The following AKAP10 variants were observed in gnomAD, a reference collection of about 807,000 sequenced individuals.
The protein encoded by AKAP10 is A-kinase anchor protein 10, mitochondrial.
Under a neutral mutation model 80.8 loss-of-function variants are expected in AKAP10, and 24 were observed. The observed-to-expected ratio is 0.30, with a 90% confidence interval of 0.22 to 0.42. The LOEUF (loss-of-function observed/expected upper bound fraction) is 0.42, where lower values mean the gene tolerates loss of function less well. AKAP10 is among the 10% of genes least tolerant of loss of function. The probability of loss-of-function intolerance (pLI) is 1.00; values close to 1 mark genes in which losing one functional copy is unlikely to be tolerated. For missense variants in AKAP10, 661 were observed against 794.9 expected, an observed-to-expected ratio of 0.83 and a Z score of 2.03; for synonymous variants, 291 against 277.7, an observed-to-expected ratio of 1.05 and a Z score of -0.48.
intron 9 of AKAP10, 31 bp from the exon 10 acceptor site, chr17:19,932,009 T>G (rs982108378): frequency 1.3e-6 from 2 of 1,580,914 alleles, no homozygotes; most frequent in Non-Finnish European, 1.7e-6. Flanking sequence ...TATTTTAAAG[T>G]TGAAATCAAA....
intron 12 of AKAP10, among the ~76,000 whole-genome samples, chr17:19,919,571 C>A (rs1051056662): frequency 6.6e-6 from 1 of 151,630 alleles, no homozygotes; most frequent in Non-Finnish European, 1.5e-5. Flanking sequence ...GTAGTCCCAG[C>A]TACTCAGGAG....
At chr17:19,939,942 C>A in intron 7 of AKAP10, 93 bp from the exon 8 acceptor site, 1 of 1,382,964 alleles carries the variant, frequency 7.2e-7, no homozygotes, top group South Asian at 1.5e-5. Flanking sequence ...AAATACAGGT[C>A]ATAAGCAAAA....
chr17:19,917,307 G>T (rs1252425917), intron 12 of AKAP10, among the ~76,000 whole-genome samples: 1 of 151,926 alleles, frequency 6.6e-6, no homozygotes, highest in Non-Finnish European at 1.5e-5. Flanking sequence ...AAACAGCTCA[G>T]AGATTTTCTA....
chr17:19,952,573 T>TA (rs952698414), intron 4 of AKAP10, among the ~76,000 whole-genome samples: 11 of 151,572 alleles, frequency 7.3e-5, no homozygotes, highest in African/African-American at 1.9e-4. Flanking sequence ...AGATCAAAAG[T>TA]AAAAAAATGG....
At chr17:19,946,282 T>TG (rs2043129416) in intron 5 of AKAP10, among the ~76,000 whole-genome samples, 1 of 45,116 alleles carries the variant, frequency 2.2e-5, no homozygotes, top group African/African-American at 7.0e-5. Flanking sequence ...TATATTTTTT[T>TG]TTTTTTTTTT....
At chr17:19,944,479 G>A (rs1015513032) in intron 5 of AKAP10, among the ~76,000 whole-genome samples, 1 of 151,802 alleles carries the variant, frequency 6.6e-6, no homozygotes, top group African/African-American at 2.4e-5. Flanking sequence ...GTGAAACCCC[G>A]TTTCTACTAA....
intron 5 of AKAP10, among the ~76,000 whole-genome samples, chr17:19,943,208 T>C (rs2043067762): frequency 1.3e-5 from 2 of 152,186 alleles, no homozygotes; most frequent in African/African-American, 4.8e-5. Context: ...TTTCTTAGCA[T>C]ACAGCGCCTA....
intron 1 of AKAP10, among the ~76,000 whole-genome samples, chr17:19,974,228 C>A (rs1421014911): frequency 6.6e-6 from 1 of 152,124 alleles, no homozygotes; most frequent in African/African-American, 2.4e-5. Flanking sequence ...AATACTACTT[C>A]TTGAGAAAAA....
At chr17:19,921,362 C>T (rs890853416) in intron 11 of AKAP10, among the ~76,000 whole-genome samples, 3 of 151,990 alleles carry the variant, frequency 2.0e-5, no homozygotes, top group Non-Finnish European at 2.9e-5. Context: ...GACAGGGTTT[C>T]ACCATATTGG....
chr17:19,909,201 G>T lies in AKAP10; in HGVS notation c.1963C>A (p.Pro655Thr), dbSNP rs754614701. Residue 655 changes from proline (P) to threonine (T), a missense_variant, in exon 14 of 15, where the codon CCG becomes ACG. By Grantham distance (38) the Pro-to-Thr change is conservative. Transcript: ENST00000225737. ...DIMQQAQYDQ[P>T]LEKSTKL ...CTTACCTTTGTAGATTTCTCTAACG[G>T]TTGATCATACTGAGCCTGCTGCATA... The T allele has an allele frequency of 6.2e-6, 10 of 1,612,396 alleles. No homozygotes were observed. Among genetic ancestry groups the T allele is most frequent in the Non-Finnish European group, 8.5e-6 (10 of 1,179,534 alleles).
intron 1 of AKAP10, among the ~76,000 whole-genome samples, chr17:19,974,179 G>A (rs980006178): frequency 2.0e-5 from 3 of 151,846 alleles, no homozygotes; most frequent in Admixed American, 1.3e-4. Context: ...CGATAAGAGC[G>A]AAACTCCATC....
Position 19,939,726 on chromosome 17 carries a change from T to C in AKAP10, c.1309A>G (p.Ile437Val), listed in dbSNP as rs759119823. The stretch of plus-strand genomic sequence containing the variant: ...AATATAACTCACTTGTCATATAAAA[T>C]CATGGCATCATTCTGTGCCTCCTGT... ...DGQEAQNDAM[I>V]LYDKYFSLQA... is the part of the protein sequence containing the mutation. Residue 437 changes from isoleucine to valine, a missense_variant, in exon 8 of 15, where the codon ATT (isoleucine) becomes GTT (valine). Ile to Val is a conservative substitution (Grantham distance 29). Transcript: ENST00000225737. 3.1e-6 allele frequency: 5 copies of C among 1,613,424 alleles called. No individual in the cohort carries two copies. Among genetic ancestry groups the C allele is most frequent in the Non-Finnish European group, 4.2e-6 (5 of 1,179,926 alleles).
At position 19,909,272 on chromosome 17, in the gene AKAP10, T is replaced by C. The variant is rs1455271727; in HGVS notation, c.1892A>G (p.Gln631Arg). 1 of 1,612,546 alleles carries C rather than the reference T, an allele frequency of 6.2e-7. No individual in the cohort carries two copies. The highest frequency in any genetic ancestry group is 1.1e-5 in the South Asian group (1 of 90,912). ...KWVQGNTDEA[Q>R]EELAWKIAKM... ...AGCAATCTTCCAAGCTAGCTCTTCCTGGGCCTAAAGAAAATAATTTAAACT... is the reference window on the plus strand; with the variant it reads ...AGCAATCTTCCAAGCTAGCTCTTCCCGGGCCTAAAGAAAATAATTTAAACT... The change falls in exon 14 of 15, where the codon CAG becomes CGG. Residue 631 changes from glutamine (Q) to arginine (R), a missense_variant. By Grantham distance (43) the Gln-to-Arg change is conservative. Coordinates refer to ENST00000225737, the MANE Select transcript of AKAP10 (RefSeq NM_007202.4).
chr17:19,946,229 T>TGC (rs1567765388), intron 5 of AKAP10, among the ~76,000 whole-genome samples: 5 of 18,456 alleles, frequency 2.7e-4, no homozygotes, highest in African/African-American at 1.1e-3. Context: ...ATTTTATATA[T>TGC]ATATATATTA....
At chr17:19,910,830 T>C (rs181093772) in intron 12 of AKAP10, among the ~76,000 whole-genome samples, 7 of 152,332 alleles carry the variant, frequency 4.6e-5, no homozygotes, top group Admixed American at 2.0e-4. Flanking sequence ...AGCTCTACTC[T>C]ATCCAAGCCA....
At chr17:19,910,949 C>T (rs2042683624) in intron 12 of AKAP10, among the ~76,000 whole-genome samples, 1 of 152,172 alleles carries the variant, frequency 6.6e-6, no homozygotes, top group South Asian at 2.1e-4. Flanking sequence ...ACACAGCTTA[C>T]TTTTTTATTT....
intron 1 of AKAP10, among the ~76,000 whole-genome samples, chr17:19,968,918 C>G (rs1195786058): frequency 6.6e-6 from 1 of 152,092 alleles, no homozygotes; most frequent in Non-Finnish European, 1.5e-5. Flanking sequence ...ATATTATTAC[C>G]ATGTGTCATC....
intron 5 of AKAP10, among the ~76,000 whole-genome samples, chr17:19,944,000 T>C (rs76738240): frequency 6.6e-6 from 1 of 152,090 alleles, no homozygotes; most frequent in Non-Finnish European, 1.5e-5. Flanking sequence ...TTTTTTTTTT[T>C]CTACAGTACA....
intron 9 of AKAP10, among the ~76,000 whole-genome samples, chr17:19,935,318 G>A (rs1052913129): frequency 6.6e-6 from 1 of 152,292 alleles, no homozygotes; most frequent in South Asian, 2.1e-4. Context: ...TACCATGAAT[G>A]GAGCTTGCAA....
Sources: gnomAD v4.1 joint callset for allele counts (sites outside exome capture counted in the v4.1 genomes callset) on GRCh38, gnomAD v4.1.1 for gene constraint, MANE v1.5 for transcripts, NCBI Gene and HGNC (gene_info 2026-07-23, HGNC 2026-07-21) for gene names.